Variants in RAI14 observed in about 807,000 individuals in gnomAD.
RAI14 encodes the protein retinoic acid induced 14.
RAI14 carries 45 observed loss-of-function variants against 115.4 expected under a neutral mutation model. That is an observed-to-expected ratio of 0.39 (90% CI 0.31 to 0.50). The LOEUF (loss-of-function observed/expected upper bound fraction) is 0.50. Among genes scored for constraint, RAI14 ranks in the 20% least tolerant of loss-of-function variants. The pLI is 0.85. For synonymous variants in RAI14, 371 were observed against 415.4 expected (o/e 0.89, Z 1.30); for missense variants, 939 against 1,131.2 (o/e 0.83, Z 2.44).
chr5:34,830,857 G>T lies in RAI14; in HGVS notation c.*92G>T. On this transcript the variant is annotated 3_prime_UTR_variant, in exon 18 of 18. Coordinates refer to ENST00000265109, the MANE Select transcript of RAI14 (RefSeq NM_015577.3). ...AGCCGCTGCCATTGTTCTCATTCGT[G>T]GTATGCACTGTGGCCTAGCGTAGCT... 1 of 1,575,930 alleles carries T rather than the reference G, an allele frequency of 6.3e-7. No homozygotes were observed.
chr5:34,772,072 C>A (rs59734337), intron 3 of RAI14, among the ~76,000 whole-genome samples: 1 of 152,030 alleles, frequency 6.6e-6, no homozygotes, highest in Non-Finnish European at 1.5e-5. Flanking sequence ...CCTCACCTGG[C>A]TAATTTATTT....
intron 17 of RAI14, among the ~76,000 whole-genome samples, chr5:34,830,058 T>C (rs963620296): frequency 2.0e-5 from 3 of 152,118 alleles, no homozygotes; most frequent in African/African-American, 7.2e-5. Flanking sequence ...TAATCTCGCC[T>C]CACTGCAGCC....
chr5:34,708,403 C>T lies in RAI14; in HGVS notation c.36+21448C>T, dbSNP rs536415898. Among the ~76,000 whole-genome samples, 12 of 152,180 alleles carry T rather than the reference C, an allele frequency of 7.9e-5. No homozygotes were observed. The East Asian group carries it at 1.5e-3, about 20-fold the overall frequency. On this transcript the variant is annotated intron_variant, in intron 2 of 17. Coordinates refer to ENST00000265109, the MANE Select transcript of RAI14 (RefSeq NM_015577.3). ...TTTTAGTAGAGACAGGGTTTCTCCACGTTGGTCAGGCTGGTCTCAAACTCC... is the reference window on the plus strand; with the variant it reads ...TTTTAGTAGAGACAGGGTTTCTCCATGTTGGTCAGGCTGGTCTCAAACTCC...
intron 3 of RAI14, among the ~76,000 whole-genome samples, chr5:34,787,893 ATTTTTTTTTTTTTTTTTTTTTT>A (rs70973012): frequency 1.9e-3 from 47 of 25,116 alleles, no homozygotes; most frequent in Non-Finnish European, 2.8e-3. Flanking sequence ...GATACTACTG[ATTTTTTTTTTTTTTTTTTTTTT>A]TTTTTTTTTT....
chr5:34,803,331 T>C (rs1397822500), intron 4 of RAI14, among the ~76,000 whole-genome samples: 1 of 152,192 alleles, frequency 6.6e-6, no homozygotes, highest in Non-Finnish European at 1.5e-5. Flanking sequence ...GAGGACTGCT[T>C]GAGCTCAGGA....
intron 2 of RAI14, among the ~76,000 whole-genome samples, chr5:34,713,771 A>G (rs528615618): frequency 1.3e-5 from 2 of 152,118 alleles, no homozygotes; most frequent in South Asian, 4.1e-4. Flanking sequence ...AGACAGTCCT[A>G]CTATCCTGGT....
chr5:34,765,696 T>C (rs1031438545), intron 3 of RAI14, among the ~76,000 whole-genome samples: 4 of 152,190 alleles, frequency 2.6e-5, no homozygotes, highest in Non-Finnish European at 5.9e-5. Flanking sequence ...AAAAGAAAAA[T>C]TCATTTTCTG....
At chr5:34,796,329 C>T (rs904390858) in intron 4 of RAI14, among the ~76,000 whole-genome samples, 5 of 149,562 alleles carry the variant, frequency 3.3e-5, no homozygotes, top group Non-Finnish European at 7.4e-5. Flanking sequence ...ATCCTGGAGG[C>T]GGAGGTTGCA....
chr5:34,829,667 T>C (rs1757822094), intron 16 of RAI14, 65 bp from the exon 17 acceptor site: 1 of 1,389,328 alleles, frequency 7.2e-7, no homozygotes, highest in Admixed American at 2.0e-5. Flanking sequence ...TTTCTCATAG[T>C]TTTTTGTTTT....
At chr5:34,806,257 G>A (rs185139837) in intron 5 of RAI14, among the ~76,000 whole-genome samples, 1 of 152,322 alleles carries the variant, frequency 6.6e-6, no homozygotes, top group Non-Finnish European at 1.5e-5. Flanking sequence ...TGGGCCTGGG[G>A]CAGAGCAAGT....
At chr5:34,709,649 G>C (rs1411691299) in intron 2 of RAI14, among the ~76,000 whole-genome samples, 1 of 152,036 alleles carries the variant, frequency 6.6e-6, no homozygotes, top group Admixed American at 6.6e-5. Flanking sequence ...ACATTACCTG[G>C]GGAGCTTAAA....
chr5:34,798,422 C>G (rs1256126139), intron 4 of RAI14, among the ~76,000 whole-genome samples: 1 of 151,160 alleles, frequency 6.6e-6, no homozygotes, highest in Non-Finnish European at 1.5e-5. Context: ...GAAGATAACT[C>G]AAGTTCCTAC....
chr5:34,695,572 T>G (rs1739130416), intron 2 of RAI14, among the ~76,000 whole-genome samples: 2 of 152,214 alleles, frequency 1.3e-5, no homozygotes, highest in South Asian at 4.1e-4. Context: ...TTCAAAGACA[T>G]TGTACCAAAG....
chr5:34,662,372 G>A (rs1380866389), intron 1 of RAI14, among the ~76,000 whole-genome samples: 2 of 152,164 alleles, frequency 1.3e-5, no homozygotes, highest in African/African-American at 2.4e-5. Flanking sequence ...CATTGTTTCA[G>A]TAGAAGCCAA....
At chr5:34,761,051 G>A (rs1353004746) in intron 3 of RAI14, among the ~76,000 whole-genome samples, 2 of 152,198 alleles carry the variant, frequency 1.3e-5, no homozygotes, top group Non-Finnish European at 2.9e-5. Context: ...CACCCGAGTT[G>A]TAGCTTCTGT....
At chr5:34,658,330 G>A (rs1742438505) in intron 1 of RAI14, among the ~76,000 whole-genome samples, 1 of 152,168 alleles carries the variant, frequency 6.6e-6, no homozygotes, top group South Asian at 2.1e-4. Flanking sequence ...TTCAAAGCAT[G>A]TTCTAGGCAG....
intron 2 of RAI14, among the ~76,000 whole-genome samples, chr5:34,738,338 T>A (rs1309444833): frequency 1.3e-5 from 2 of 152,222 alleles, no homozygotes; most frequent in Non-Finnish European, 2.9e-5. Context: ...GTAGTTATTG[T>A]TCTACAGTTT....
At chr5:34,709,873 A>G (rs907019833) in intron 2 of RAI14, among the ~76,000 whole-genome samples, 1 of 152,008 alleles carries the variant, frequency 6.6e-6, no homozygotes, top group Non-Finnish European at 1.5e-5. Flanking sequence ...TGAATTAACC[A>G]CTCCTCATTC....
At chr5:34,766,130 C>T (rs577297096) in intron 3 of RAI14, among the ~76,000 whole-genome samples, 3 of 152,318 alleles carry the variant, frequency 2.0e-5, no homozygotes, top group African/African-American at 7.2e-5. Flanking sequence ...GGGTGGGGTG[C>T]ACATGGAGAA....
Sources: allele counts gnomAD v4.1 joint callset (sites outside exome capture counted in the v4.1 genomes callset), GRCh38; gene constraint gnomAD v4.1.1; transcripts MANE v1.5; gene names NCBI Gene and HGNC (gene_info 2026-07-23, HGNC 2026-07-21).